ZCWPW2: variants seen among roughly 807,000 people sequenced by gnomAD.
ZCWPW2 encodes zinc finger CW-type and PWWP domain containing 2, also known as zinc finger CW-type PWWP domain protein 2.
Under a neutral mutation model 46.6 loss-of-function variants are expected in ZCWPW2, and 45 were observed. The observed-to-expected ratio is 0.96, with a 90% CI of 0.76 to 1.24. The LOEUF (loss-of-function observed/expected upper bound fraction) is 1.24. ZCWPW2 is among the 50% of genes most tolerant of loss of function. The pLI is 0.00. For missense variants in ZCWPW2, 429 were observed against 403.9 expected, an observed-to-expected ratio of 1.06 and a Z score of -0.53; for synonymous variants, 152 against 137.1, an observed-to-expected ratio of 1.11 and a Z score of -0.76.
At chr3:28,372,588 A>G (rs1705371513) in intron 1 of ZCWPW2, among the ~76,000 whole-genome samples, 1 of 152,202 alleles carries the variant, frequency 6.6e-6, no homozygotes. Flanking sequence ...TTTTCTGTGC[A>G]TTATTTACAA....
chr3:28,492,284 T>G, intron 6 of ZCWPW2, 111 bp downstream of exon 6: 2 of 984,724 alleles, frequency 2.0e-6, no homozygotes, highest in Non-Finnish European at 1.4e-6. Flanking sequence ...CAATCCATTT[T>G]TTCTTCTGAA....
intron 4 of ZCWPW2, among the ~76,000 whole-genome samples, chr3:28,444,584 G>A (rs1027208925): frequency 2.0e-5 from 3 of 152,076 alleles, no homozygotes; most frequent in Non-Finnish European, 2.9e-5. Flanking sequence ...CACTTTTAGA[G>A]TAGACACCTG....
chr3:28,481,443 A>G (rs1293507157), intron 5 of ZCWPW2, among the ~76,000 whole-genome samples: 2 of 152,228 alleles, frequency 1.3e-5, no homozygotes, highest in South Asian at 2.1e-4. Context: ...AGGTTTCACC[A>G]TATTGGCCAG....
intron 4 of ZCWPW2, among the ~76,000 whole-genome samples, chr3:28,467,871 T>C (rs1488329749): frequency 6.6e-6 from 1 of 152,112 alleles, no homozygotes; most frequent in Non-Finnish European, 1.5e-5. Context: ...CAAACCCATA[T>C]CGTGAAGACT....
At position 28,365,868 on chromosome 3, in the gene ZCWPW2, G is replaced by T. The variant is rs956542147; in HGVS notation, c.-134+16665G>T. ...TCCTTGAAGAGGTCCTTCATCTCCC[G>T]TGTAAGTTGGATTCCTAGGTATTTT... On this transcript the variant is annotated intron_variant, in intron 1 of 9. Coordinates refer to ENST00000383768, the MANE Select transcript of ZCWPW2 (RefSeq NM_001040432.4). Among the ~76,000 whole-genome samples the T allele has an allele frequency of 1.1e-4, 15 of 140,660 alleles. 3 individuals carry two copies. Among genetic ancestry groups the T allele is most frequent in the Admixed American group, 3.8e-4 (5 of 13,156 alleles). The allele number at this position is 140,660 out of a possible 152,430, so 92.3% of individuals were successfully genotyped here.
At chr3:28,447,841 GA>G in intron 4 of ZCWPW2, 1 of 1,048,186 alleles carries the variant, frequency 9.5e-7, no homozygotes, top group Non-Finnish European at 1.5e-6. Flanking sequence ...AGAAGGTTGG[GA>G]AAGCACCAAA....
chr3:28,499,761 T>C (rs903382835), intron 6 of ZCWPW2, among the ~76,000 whole-genome samples: 11 of 152,128 alleles, frequency 7.2e-5, no homozygotes, highest in Non-Finnish European at 1.6e-4. Flanking sequence ...TGGGTTTTCT[T>C]CTGAAAATTG....
intron 3 of ZCWPW2, 118 bp downstream of exon 3, chr3:28,413,518 T>C (rs1696493215): frequency 2.2e-6 from 2 of 910,958 alleles, no homozygotes; most frequent in South Asian, 2.3e-5. Context: ...TGATTTATCA[T>C]TGCTCTTTTC....
chr3:28,458,724 C>T (rs1698516514), intron 4 of ZCWPW2, among the ~76,000 whole-genome samples: 1 of 152,174 alleles, frequency 6.6e-6, no homozygotes, highest in Admixed American at 6.5e-5. Context: ...TGGAAAGCCG[C>T]ACAGGCCTTC....
In ZCWPW2 at chr3:28,478,930, A is replaced by G; in HGVS notation, c.609A>G (p.Gln203=). The G allele has an allele frequency of 6.5e-7, 1 of 1,539,866 alleles. No homozygotes were observed. Among genetic ancestry groups the G allele is most frequent in the Non-Finnish European group, 8.8e-7 (1 of 1,139,888 alleles). Reference sequence around the variant, plus strand: ...AAATGTGCTGCCTATCAAAACTACAAGGTGTATAAATATTTTTTCTTTATT... The same window carrying G: ...AAATGTGCTGCCTATCAAAACTACAGGGTGTATAAATATTTTTTCTTTATT... ...RLEMCCLSKL[Q]DKSETHDKVA... The change falls in exon 5 of 10, where the codon CAA becomes CAG. Residue 203 remains glutamine (Q), a splice_region_variant and synonymous_variant. Coordinates refer to ENST00000383768, the MANE Select transcript of ZCWPW2 (RefSeq NM_001040432.4).
At chr3:28,413,543 T>A in intron 3 of ZCWPW2, 143 bp downstream of exon 3, 3 of 719,968 alleles carry the variant, frequency 4.2e-6, no homozygotes, top group East Asian at 2.9e-5. Flanking sequence ...CTTCTTTGGA[T>A]TTTTTTCTAG....
chr3:28,395,833 T>A (rs1695673436), intron 2 of ZCWPW2, among the ~76,000 whole-genome samples: 1 of 152,158 alleles, frequency 6.6e-6, no homozygotes, highest in Non-Finnish European at 1.5e-5. Flanking sequence ...ATGTACAGCA[T>A]AGTGACTATA....
chr3:28,372,949 T>C (rs1215228822), intron 1 of ZCWPW2, among the ~76,000 whole-genome samples: 4 of 152,210 alleles, frequency 2.6e-5, no homozygotes, highest in African/African-American at 7.2e-5. Flanking sequence ...AAAAACATGA[T>C]TGCATTCATT....
chr3:28,361,714 G>A (rs915732319), intron 1 of ZCWPW2, among the ~76,000 whole-genome samples: 36 of 152,038 alleles, frequency 2.4e-4, no homozygotes, highest in African/African-American at 8.0e-4. Flanking sequence ...AAATGGCAAA[G>A]GGCTTGATTA....
At chr3:28,376,345 C>T (rs879615937) in intron 1 of ZCWPW2, among the ~76,000 whole-genome samples, 1 of 152,134 alleles carries the variant, frequency 6.6e-6, no homozygotes, top group African/African-American at 2.4e-5. Context: ...CCATTCCTCT[C>T]ACATTTTGAC....
intron 2 of ZCWPW2, 134 bp downstream of exon 2, chr3:28,390,751 T>C: frequency 1.4e-6 from 1 of 697,668 alleles, no homozygotes; most frequent in Non-Finnish European, 1.8e-6. Context: ...TATGAAATAA[T>C]AATTTTTCAG....
chr3:28,476,687 A>G (rs1457084787), intron 4 of ZCWPW2, among the ~76,000 whole-genome samples: 2 of 152,092 alleles, frequency 1.3e-5, no homozygotes, highest in Non-Finnish European at 2.9e-5. Context: ...TTCTATTATT[A>G]TTACATTGTA....
At chr3:28,465,645 T>A (rs1056456712) in intron 4 of ZCWPW2, among the ~76,000 whole-genome samples, 6 of 151,986 alleles carry the variant, frequency 3.9e-5, no homozygotes, top group African/African-American at 1.5e-4. Context: ...AATTGGCTAA[T>A]ATAATTAACC....
At chr3:28,353,526 A>G (rs911472354) in intron 1 of ZCWPW2, among the ~76,000 whole-genome samples, 1 of 152,238 alleles carries the variant, frequency 6.6e-6, no homozygotes, top group Non-Finnish European at 1.5e-5. Flanking sequence ...ATTTTAAATT[A>G]CCATGGCATT....
Sources: gnomAD v4.1 joint callset for allele counts (sites outside exome capture counted in the v4.1 genomes callset) on GRCh38, gnomAD v4.1.1 for gene constraint, MANE v1.5 for transcripts, NCBI Gene and HGNC (gene_info 2026-07-23, HGNC 2026-07-21) for gene names.